EXOC4: variants seen among roughly 807,000 people sequenced by gnomAD.
The protein encoded by EXOC4 is exocyst complex component 4, also known as SEC8-like 1.
In EXOC4, 71 loss-of-function variants were observed where a neutral mutation model predicts 107.2. The ratio of observed to expected loss-of-function variants is 0.66; its 90% CI spans 0.55 to 0.81. EXOC4 has a LOEUF of 0.81. Ranked by LOEUF, EXOC4 falls within the 30% of genes least tolerant of loss-of-function variation. The pLI, the probability that EXOC4 is intolerant of heterozygous loss-of-function variation, is 0.00. For synonymous variants in EXOC4, 456 were observed against 441.2 expected, an observed-to-expected ratio of 1.03 and a Z score of -0.42; for missense variants, 1,108 against 1,189.6, an observed-to-expected ratio of 0.93 and a Z score of 1.01.
chr7:134,060,823 A>G (rs1335756843), intron 17 of EXOC4, among the ~76,000 whole-genome samples: 4 of 152,162 alleles, frequency 2.6e-5, no homozygotes, highest in African/African-American at 9.7e-5. Flanking sequence ...ATGATTCTTT[A>G]TGATCTAATA....
At chr7:133,392,005 A>G (rs1796863430) in intron 7 of EXOC4, among the ~76,000 whole-genome samples, 1 of 152,212 alleles carries the variant, frequency 6.6e-6, no homozygotes. Flanking sequence ...GCAGTAGTAT[A>G]GGCAAGCACA....
chr7:133,385,450 G>A (rs750176261), intron 7 of EXOC4, among the ~76,000 whole-genome samples: 3 of 152,144 alleles, frequency 2.0e-5, no homozygotes, highest in Non-Finnish European at 4.4e-5. Context: ...GAATATTTAC[G>A]TGATTACCGG....
intron 9 of EXOC4, among the ~76,000 whole-genome samples, chr7:133,563,794 A>G (rs1418154952): frequency 1.3e-5 from 2 of 152,250 alleles, no homozygotes; most frequent in Non-Finnish European, 1.5e-5. Context: ...TTATACTTTT[A>G]CGTGAATTAC....
intron 12 of EXOC4, among the ~76,000 whole-genome samples, chr7:133,901,372 C>G (rs1799447843): frequency 6.6e-6 from 1 of 152,124 alleles, no homozygotes; most frequent in African/African-American, 2.4e-5. Flanking sequence ...TACCTCCTGA[C>G]ACTTCCTTGT....
At chr7:133,661,698 A>C (rs1156848789) in intron 10 of EXOC4, among the ~76,000 whole-genome samples, 6 of 150,698 alleles carry the variant, frequency 4.0e-5, no homozygotes, top group African/African-American at 9.7e-5. Flanking sequence ...ACAAAAAAAA[A>C]AAAAACAAGA....
At chr7:133,819,250 C>A (rs1317863836) in intron 11 of EXOC4, among the ~76,000 whole-genome samples, 1 of 147,894 alleles carries the variant, frequency 6.8e-6, no homozygotes, top group Non-Finnish European at 1.5e-5. Flanking sequence ...ATTCATATTT[C>A]TTTATTTGAA....
intron 11 of EXOC4, among the ~76,000 whole-genome samples, chr7:133,869,661 C>G (rs1798711460): frequency 6.6e-6 from 1 of 152,158 alleles, no homozygotes; most frequent in African/African-American, 2.4e-5. Context: ...TGTACCACAT[C>G]AACTATGGCA....
intron 9 of EXOC4, among the ~76,000 whole-genome samples, chr7:133,554,138 A>G (rs904878633): frequency 6.6e-6 from 1 of 152,128 alleles, no homozygotes; most frequent in Non-Finnish European, 1.5e-5. Context: ...GCTTTATCTC[A>G]GGTGGATCTT....
At chr7:133,668,759 T>A (rs1269281102) in intron 10 of EXOC4, among the ~76,000 whole-genome samples, 1 of 152,142 alleles carries the variant, frequency 6.6e-6, no homozygotes, top group East Asian at 1.9e-4. Context: ...GTTTTGAGAA[T>A]GAGAACATCA....
At chr7:133,831,332 G>A (rs150951905) in intron 11 of EXOC4, among the ~76,000 whole-genome samples, 6 of 152,272 alleles carry the variant, frequency 3.9e-5, no homozygotes, top group African/African-American at 7.2e-5. Flanking sequence ...CTTCCTTAAC[G>A]ATGGAGTATC....
rs1229745038 is a variant in EXOC4, at chr7:133,475,312, T to C, written c.1183-16T>C. The C allele has an allele frequency of 1.0e-5, 16 of 1,587,696 alleles. No homozygotes were observed. The highest frequency in any genetic ancestry group is 4.1e-5 in the African/African-American group (3 of 73,848). On this transcript the variant is annotated splice_polypyrimidine_tract_variant and intron_variant, in intron 7 of 17. Coordinates refer to ENST00000253861, the MANE Select transcript of EXOC4 (RefSeq NM_021807.4). The stretch of plus-strand genomic sequence containing the variant: ...AATGTGTATATTAACATTAACTGAT[T>C]TATCTGGTTGTACAGATGCTATTAA...
intron 7 of EXOC4, among the ~76,000 whole-genome samples, chr7:133,457,525 A>C (rs1347057943): frequency 6.6e-6 from 1 of 152,126 alleles, no homozygotes; most frequent in Non-Finnish European, 1.5e-5. Context: ...GAGTGGGATC[A>C]TTTTCTCAAT....
intron 7 of EXOC4, among the ~76,000 whole-genome samples, chr7:133,408,239 T>G: frequency 1.6e-5 from 2 of 122,742 alleles, no homozygotes; most frequent in East Asian, 2.6e-4. Flanking sequence ...GGGGAGGGAA[T>G]GATGTTGGTG....
chr7:133,613,968 A>G (rs1802130833), intron 9 of EXOC4, among the ~76,000 whole-genome samples: 1 of 152,170 alleles, frequency 6.6e-6, no homozygotes, highest in Admixed American at 6.6e-5. Context: ...AAAGGATGCA[A>G]AGGGTGGTTT....
chr7:133,473,558 G>C (rs917098459), intron 7 of EXOC4, among the ~76,000 whole-genome samples: 2 of 152,008 alleles, frequency 1.3e-5, no homozygotes, highest in Non-Finnish European at 2.9e-5. Context: ...TTGACTTAAA[G>C]TCTATTTTGT....
intron 7 of EXOC4, among the ~76,000 whole-genome samples, chr7:133,429,662 G>C (rs1797809323): frequency 6.6e-6 from 1 of 152,202 alleles, no homozygotes; most frequent in Non-Finnish European, 1.5e-5. Context: ...TGTCTCTGTA[G>C]ATTTGTCTAT....
At chr7:133,774,630 A>G (rs746739762) in intron 10 of EXOC4, among the ~76,000 whole-genome samples, 13 of 152,146 alleles carry the variant, frequency 8.5e-5, no homozygotes, top group Non-Finnish European at 1.6e-4. Context: ...AGCAGTTTAA[A>G]CAATCTACTT....
intron 11 of EXOC4, among the ~76,000 whole-genome samples, chr7:133,856,260 G>C (rs1366787729): frequency 1.3e-5 from 2 of 152,200 alleles, no homozygotes; most frequent in South Asian, 2.1e-4. Context: ...TCAGTAATGT[G>C]TTTAAAAGAA....
intron 9 of EXOC4, among the ~76,000 whole-genome samples, chr7:133,485,117 ATAAT>A (rs1240784142): frequency 7.9e-5 from 12 of 151,028 alleles, no homozygotes; most frequent in East Asian, 3.9e-4. Context: ...AAATAAATAA[ATAAT>A]TAAATAAATG....
Sources: gnomAD v4.1 joint callset for allele counts (sites outside exome capture counted in the v4.1 genomes callset) on GRCh38, gnomAD v4.1.1 for gene constraint, MANE v1.5 for transcripts, NCBI Gene and HGNC (gene_info 2026-07-23, HGNC 2026-07-21) for gene names.